NEIL2: variants seen among roughly 807,000 people sequenced by gnomAD.
The protein encoded by NEIL2 is endonuclease 8-like 2.
Under a neutral mutation model 22.2 loss-of-function variants are expected in NEIL2, and 23 were observed. The observed-to-expected ratio is 1.04, with a 90% CI of 0.75 to 1.47. NEIL2 has a LOEUF of 1.47. Among genes scored for constraint, NEIL2 ranks in the 40% most tolerant of loss-of-function variants. The pLI is 0.00. For synonymous variants in NEIL2, 229 were observed against 164.8 expected, an observed-to-expected ratio of 1.39 and a Z score of -2.99; for missense variants, 583 against 404.7, an observed-to-expected ratio of 1.44 and a Z score of -3.78.
At position 11,785,980 on chromosome 8, in the gene NEIL2, G is replaced by C. The variant is rs1341969187; in HGVS notation, c.706G>C (p.Glu236Gln). 1 of 1,613,970 alleles carries C rather than the reference G, an allele frequency of 6.2e-7. No individual in the cohort carries two copies. The highest frequency in any genetic ancestry group is 1.7e-5 in the Admixed American group (1 of 60,006). The change falls in exon 5 of 5, where the codon GAA becomes CAA. Residue 236 changes from glutamate (E) to glutamine (Q), a missense_variant. Transcript: ENST00000284503. ...TATTTCAGGGAACATCATTAAGAAT[G>C]AAGCCTTGTACAGAGCTGGGATCCA... ...FSGLGNIIKN[E>Q]ALYRAGIHPL...
chr8:11,775,847 T>C (rs974236254), intron 2 of NEIL2, among the ~76,000 whole-genome samples: 1 of 152,226 alleles, frequency 6.6e-6, no homozygotes, highest in African/African-American at 2.4e-5. Context: ...CTTCAGCCTG[T>C]ACCTTATTGT....
chr8:11,773,148 G>A (rs1803617895), intron 2 of NEIL2, among the ~76,000 whole-genome samples: 1 of 152,148 alleles, frequency 6.6e-6, no homozygotes, highest in Non-Finnish European at 1.5e-5. Flanking sequence ...GTTTGCAGGG[G>A]CAGAATTGTC....
At chr8:11,778,092 A>C (rs1025312711) in intron 2 of NEIL2, among the ~76,000 whole-genome samples, 3 of 152,224 alleles carry the variant, frequency 2.0e-5, no homozygotes, top group Non-Finnish European at 2.9e-5. Flanking sequence ...TGTCACAGGA[A>C]CCCAAAAGAG....
intron 2 of NEIL2, among the ~76,000 whole-genome samples, chr8:11,777,656 T>C (rs1804028304): frequency 6.6e-6 from 1 of 152,212 alleles, no homozygotes; most frequent in Non-Finnish European, 1.5e-5. Flanking sequence ...TTGACTGGCT[T>C]ATTTCACTTA....
In NEIL2 at chr8:11,783,203, G is replaced by A. The variant is rs1354214807; in HGVS notation, c.492G>A (p.Arg164=). The A allele has an allele frequency of 1.2e-6, 2 of 1,614,166 alleles. No individual in the cohort carries two copies. The highest frequency in any genetic ancestry group is 2.2e-5 in the South Asian group (2 of 91,084). The part of the protein sequence containing the change: ...KRGDWRDPSP[R]LVLHFGGGGF... ...CATATGACCTGTTCTTTCTTCCCAG[G>A]TTGGTCCTGCACTTTGGTGGTGGTG... is the stretch of plus-strand genomic sequence containing the variant. The change falls in exon 4 of 5, where the codon AGG becomes AGA. Residue 164 remains arginine, a splice_region_variant and synonymous_variant. Coordinates refer to ENST00000284503, the MANE Select transcript of NEIL2 (RefSeq NM_145043.4).
intron 1 of NEIL2, among the ~76,000 whole-genome samples, chr8:11,771,018 C>A (rs1005554819): frequency 1.3e-5 from 2 of 152,104 alleles, no homozygotes; most frequent in African/African-American, 2.4e-5. Context: ...AAGTCGGCAG[C>A]AGTGGGTCAG....
rs148745569 is a variant in NEIL2 at position 11,783,298 on chromosome 8, T to G, written c.587T>G (p.Ile196Ser). 150 of 1,614,204 alleles carry G rather than the reference T, an allele frequency of 9.3e-5. No homozygotes were observed. The East Asian group carries it at 3.3e-3, about 35-fold the overall frequency. ...SSPVVTPTCDILSEKFHRGQA... is the reference protein window; with the variant it reads ...SSPVVTPTCDSLSEKFHRGQA... ...CCAGTGGTCACACCCACCTGTGACA[T>G]CCTGTCTGAGAAGTTCCATCGAGGA... is the stretch of plus-strand genomic sequence containing the variant. The change falls in exon 4 of 5, where the codon ATC (isoleucine) becomes AGC (serine). Residue 196 changes from isoleucine to serine, a missense_variant. Transcript: ENST00000284503.
chr8:11,784,743 A>G (rs1404698362), intron 4 of NEIL2, among the ~76,000 whole-genome samples: 1 of 152,252 alleles, frequency 6.6e-6, no homozygotes, highest in Admixed American at 6.5e-5. Context: ...AACATTCCCA[A>G]GAGAGTTACT....
At chr8:11,778,139 C>A (rs1207370188) in intron 2 of NEIL2, among the ~76,000 whole-genome samples, 1 of 152,154 alleles carries the variant, frequency 6.6e-6, no homozygotes, top group Non-Finnish European at 1.5e-5. Context: ...ATGAGGACAT[C>A]CTGACCTAGA....
At chr8:11,775,072 T>G (rs8191573) in intron 2 of NEIL2, among the ~76,000 whole-genome samples, 1 of 152,248 alleles carries the variant, frequency 6.6e-6, no homozygotes, top group East Asian at 1.9e-4. Flanking sequence ...ACAGCTCTAC[T>G]AGGCAGTGCC....
intron 4 of NEIL2, among the ~76,000 whole-genome samples, chr8:11,785,197 A>T (rs948862840): frequency 1.8e-4 from 26 of 147,378 alleles, no homozygotes; most frequent in Non-Finnish European, 3.2e-4. Flanking sequence ...TTTTTAATTT[A>T]AAAAAAAATT....
intron 2 of NEIL2, among the ~76,000 whole-genome samples, chr8:11,772,920 C>A (rs804264): frequency 0.35 from 53,867 of 152,000 alleles, 11,011 homozygotes; most frequent in South Asian, 0.5. Flanking sequence ...CCTCACCCCC[C>A]ACCCCCGCAA....
chr8:11,775,645 C>T (rs1803848051), intron 2 of NEIL2, among the ~76,000 whole-genome samples: 1 of 152,206 alleles, frequency 6.6e-6, no homozygotes, highest in African/African-American at 2.4e-5. Flanking sequence ...ATTTTTCAAA[C>T]TTCTGTGCTC....
rs976431985 is a variant in NEIL2, at chr8:11,770,188, G to A, written c.-150G>A. The A allele has an allele frequency of 7.9e-5, 12 of 152,082 alleles. No individual in the cohort carries two copies. Among genetic ancestry groups the A allele is most frequent in the African/African-American group, 2.9e-4 (12 of 41,346 alleles). The allele number at this position is 152,082 out of a possible 1,614,324, so 9.4% of individuals were successfully genotyped here. On this transcript the variant is annotated 5_prime_UTR_variant, in exon 1 of 5. Transcript: ENST00000284503. The stretch of plus-strand genomic sequence containing the variant: ...CATCTTTCAAGGCTGTTGCAGAGGC[G>A]GCTTGCTTCCCACCTGTCCATCTCC...
intron 2 of NEIL2, among the ~76,000 whole-genome samples, chr8:11,778,290 G>GTTTTTTTTTTTTTTTT (rs34908835): frequency 3.1e-5 from 4 of 130,300 alleles, no homozygotes; most frequent in Non-Finnish European, 4.9e-5. Context: ...TCCTTGCTCA[G>GTTTTTTTTTTTTTTTT]TTTTTTTTTT....
chr8:11,771,732 G>A (rs804267), intron 2 of NEIL2, 147 bp downstream of exon 2: 498,609 of 742,908 alleles, frequency 0.67, 172,273 homozygotes, highest in East Asian at 0.97. Context: ...TCAGTCTCAC[G>A]TGTCTCAGCC....
chr8:11,771,696 G>A, intron 2 of NEIL2, 111 bp downstream of exon 2: 1 of 1,126,802 alleles, frequency 8.9e-7, no homozygotes, highest in South Asian at 1.5e-5. Flanking sequence ...GAACCACCAA[G>A]CTCGGACTCC....
Position 11,771,521 on chromosome 8 carries a change from C to A in NEIL2, c.74C>A (p.Thr25Lys). 6.2e-7 allele frequency: 1 copy of A among 1,614,108 alleles called. No individual in the cohort carries two copies. Among genetic ancestry groups the A allele is most frequent in the Admixed American group, 1.7e-5 (1 of 60,020 alleles). Residue 25 changes from threonine to lysine, a missense_variant, in exon 2 of 5, where the codon ACA becomes AAA. By Grantham distance (78) the Thr-to-Lys change is moderately conservative. Transcript: ENST00000284503. ...TTTGTGGGTCAGCAGGTGGTCAAGA[C>A]AGGGGGCAGCAGTAAGAAGCTACAG... ...SPFVGQQVVK[T>K]GGSSKKLQPA...
In NEIL2 at chr8:11,771,521, CAG is replaced by C. The variant is rs752591257; in HGVS notation, c.75_76del (p.Gly27GlnfsTer3). On this transcript the variant is annotated frameshift_variant, in exon 2 of 5. Coordinates refer to ENST00000284503, the MANE Select transcript of NEIL2 (RefSeq NM_145043.4). LOFTEE classifies it high-confidence loss of function. ...TTTGTGGGTCAGCAGGTGGTCAAGA[CAG>C]GGGGCAGCAGTAAGAAGCTACAGCC... The C allele has an allele frequency of 6.9e-5, 112 of 1,613,992 alleles. 1 individual carries two copies. The highest frequency in any genetic ancestry group is 3.8e-4 in the East Asian group (17 of 44,884).
Sources: allele counts gnomAD v4.1 joint callset (sites outside exome capture counted in the v4.1 genomes callset), GRCh38; gene constraint gnomAD v4.1.1; transcripts MANE v1.5; gene names NCBI Gene and HGNC (gene_info 2026-07-23, HGNC 2026-07-21).